The following PTPN13 variants were observed in gnomAD, a reference collection of about 807,000 sequenced individuals.
The protein encoded by PTPN13 is tyrosine-protein phosphatase non-receptor type 13.
PTPN13 carries 191 observed loss-of-function variants against 284.0 expected under a neutral mutation model. That is an observed-to-expected ratio of 0.67 (90% CI 0.60 to 0.76). The LOEUF (loss-of-function observed/expected upper bound fraction) is 0.76. Among genes scored for constraint, PTPN13 ranks in the 30% least tolerant of loss-of-function variants. The pLI, the probability that PTPN13 is intolerant of heterozygous loss-of-function variation, is 0.00. For missense variants in PTPN13, 2,797 were observed against 2,939.9 expected (o/e 0.95, Z 1.12); for synonymous variants, 986 against 1,022.3 (o/e 0.96, Z 0.68).
intron 2 of PTPN13, among the ~76,000 whole-genome samples, chr4:86,668,870 G>C (rs926121514): frequency 9.3e-5 from 14 of 150,348 alleles, no homozygotes; most frequent in Non-Finnish European, 1.8e-4. Context: ...GCCTCCCAAA[G>C]TGCTGGGATT....
At chr4:86,627,342 G>C (rs1187001497) in intron 1 of PTPN13, among the ~76,000 whole-genome samples, 1 of 151,986 alleles carries the variant, frequency 6.6e-6, no homozygotes, top group Non-Finnish European at 1.5e-5. Context: ...AAAAAAATGA[G>C]AAAAGTTAAC....
chr4:86,802,776 T>C (rs1023028568), intron 42 of PTPN13, among the ~76,000 whole-genome samples: 1 of 152,178 alleles, frequency 6.6e-6, no homozygotes, highest in African/African-American at 2.4e-5. Context: ...TGTTGCATAT[T>C]TAAAGACTTT....
chr4:86,672,869 G>C lies in PTPN13; in HGVS notation c.294+326G>C, dbSNP rs534687463. Among the ~76,000 whole-genome samples, 21 of 152,312 alleles carry C rather than the reference G, an allele frequency of 1.4e-4. No homozygotes were observed. The East Asian group carries it at 3.9e-3, about 28-fold the overall frequency. On this transcript the variant is annotated intron_variant, in intron 3 of 47. Transcript: ENST00000411767. ...CTGATTAACATGTACAGAACAATCT[G>C]TAACAGCAATCCTCATCCTTTTTGG...
chr4:86,757,181 C>T (rs1738080233), intron 20 of PTPN13, among the ~76,000 whole-genome samples: 1 of 152,016 alleles, frequency 6.6e-6, no homozygotes, highest in South Asian at 2.1e-4. Context: ...GAATGATTAG[C>T]CTACTTTAAA....
chr4:86,653,919 A>C (rs1033706563), intron 2 of PTPN13, among the ~76,000 whole-genome samples: 4 of 152,186 alleles, frequency 2.6e-5, no homozygotes, highest in African/African-American at 9.6e-5. Flanking sequence ...TGTGTACCTA[A>C]ACTTCAATGC....
chr4:86,681,238 T>A (rs1728867096), intron 3 of PTPN13, among the ~76,000 whole-genome samples: 1 of 152,228 alleles, frequency 6.6e-6, no homozygotes, highest in South Asian at 2.1e-4. Context: ...CTACTTTTTT[T>A]AATACATAGG....
At chr4:86,595,919 G>A in intron 1 of PTPN13, 1 of 284,910 alleles carries the variant, frequency 3.5e-6, no homozygotes, top group Non-Finnish European at 5.3e-6. Context: ...GACTGTGTTG[G>A]CAGGGTCCAG....
intron 7 of PTPN13, among the ~76,000 whole-genome samples, chr4:86,703,913 C>CTTTATGAGATGGT (rs972005946): frequency 4.6e-5 from 7 of 152,090 alleles, no homozygotes; most frequent in African/African-American, 1.7e-4. Flanking sequence ...TGGCTCATGC[C>CTTTATGAGATGGT]TGTAATCCTG....
intron 7 of PTPN13, among the ~76,000 whole-genome samples, chr4:86,711,343 T>G (rs1732395264): frequency 6.6e-6 from 1 of 152,058 alleles, no homozygotes; most frequent in Admixed American, 6.6e-5. Flanking sequence ...CATTCTTCAT[T>G]AGTCCTTATT....
chr4:86,776,815 G>T (rs184461562), intron 35 of PTPN13, among the ~76,000 whole-genome samples: 184 of 152,328 alleles, frequency 1.2e-3, no homozygotes, highest in African/African-American at 4.1e-3. Flanking sequence ...ATGAAACACA[G>T]GATGATTGTA....
chr4:86,615,964 A>G (rs1440979047), intron 1 of PTPN13, among the ~76,000 whole-genome samples: 1 of 152,178 alleles, frequency 6.6e-6, no homozygotes, highest in Non-Finnish European at 1.5e-5. Flanking sequence ...ACAGGGTCTA[A>G]GCTACTTTCA....
chr4:86,735,667 A>G lies in PTPN13; in HGVS notation c.2225A>G (p.Tyr742Cys), dbSNP rs757654835. 2.0e-5 allele frequency: 33 copies of G among 1,613,418 alleles called. No homozygotes were observed. The highest frequency in any genetic ancestry group is 2.5e-5 in the Non-Finnish European group (30 of 1,179,610). Residue 742 changes from tyrosine (Y) to cysteine (C), a missense_variant, in exon 15 of 48, where the codon TAT (tyrosine) becomes TGT (cysteine). By Grantham distance (194) the Tyr-to-Cys change is radical. Transcript: ENST00000411767. ...GTGATGGAGAAACTTGATTTATCCT[A>G]TATCAAAGAAGAGTTACCCAAATTG... ...ARVMEKLDLS[Y>C]IKEELPKLHN...
chr4:86,798,847 C>G (rs1023008010), intron 41 of PTPN13, among the ~76,000 whole-genome samples: 2 of 152,222 alleles, frequency 1.3e-5, no homozygotes, highest in African/African-American at 4.8e-5. Flanking sequence ...ACCACCTTCT[C>G]CATCCTCAAA....
At chr4:86,620,200 CT>C (rs1301120066) in intron 1 of PTPN13, among the ~76,000 whole-genome samples, 2 of 152,314 alleles carry the variant, frequency 1.3e-5, no homozygotes, top group Non-Finnish European at 2.9e-5. Flanking sequence ...AGTTCTTGCT[CT>C]GTTGCCCGGG....
At chr4:86,714,500 A>G (rs1236511291) in intron 7 of PTPN13, among the ~76,000 whole-genome samples, 1 of 151,988 alleles carries the variant, frequency 6.6e-6, no homozygotes, top group Non-Finnish European at 1.5e-5. Context: ...CGGGCTTATT[A>G]TCCACCACCT....
At chr4:86,674,461 T>C (rs1413090553) in intron 3 of PTPN13, among the ~76,000 whole-genome samples, 1 of 152,188 alleles carries the variant, frequency 6.6e-6, no homozygotes, top group Admixed American at 6.5e-5. Context: ...TTTCAGAGAT[T>C]GAATGTGTAT....
chr4:86,807,507 T>A, intron 44 of PTPN13, 53 bp from the exon 45 acceptor site: 1 of 1,371,948 alleles, frequency 7.3e-7, no homozygotes, highest in Non-Finnish European at 1.0e-6. Context: ...TGTAAGACTC[T>A]TGTTTAAAAT....
chr4:86,729,690 C>T (rs1211485047), intron 10 of PTPN13, among the ~76,000 whole-genome samples: 2 of 149,752 alleles, frequency 1.3e-5, no homozygotes, highest in East Asian at 1.9e-4. Flanking sequence ...TCTGCTCCAT[C>T]AGGTCATTTA....
At chr4:86,658,868 AAGG>A (rs1726156157) in intron 2 of PTPN13, among the ~76,000 whole-genome samples, 1 of 152,180 alleles carries the variant, frequency 6.6e-6, no homozygotes, top group African/African-American at 2.4e-5. Flanking sequence ...CACCATAAAC[AAGG>A]AGAAGGTTTT....
Sources: gnomAD v4.1 joint callset for allele counts (sites outside exome capture counted in the v4.1 genomes callset) on GRCh38, gnomAD v4.1.1 for gene constraint, MANE v1.5 for transcripts, NCBI Gene and HGNC (gene_info 2026-07-23, HGNC 2026-07-21) for gene names.